TTC29: variants seen among roughly 807,000 people sequenced by gnomAD.
The protein encoded by TTC29 is tetratricopeptide repeat domain 29.
A neutral mutation model predicts 58.1 loss-of-function variants in TTC29; 49 were observed. The observed-to-expected ratio is 0.84, with a 90% CI of 0.67 to 1.07. The LOEUF (loss-of-function observed/expected upper bound fraction) is 1.07, where lower values mean the gene tolerates loss of function less well. Among genes scored for constraint, TTC29 ranks in the 50% least tolerant of loss-of-function variants. The probability of loss-of-function intolerance (pLI) is 0.00; values close to 1 mark genes in which losing one functional copy is unlikely to be tolerated. For synonymous variants in TTC29, 209 were observed against 196.8 expected (o/e 1.06, Z -0.52); for missense variants, 582 against 555.6 (o/e 1.05, Z -0.48).
At chr4:146,803,054 T>C (rs1328362847) in intron 11 of TTC29, among the ~76,000 whole-genome samples, 1 of 152,188 alleles carries the variant, frequency 6.6e-6, no homozygotes, top group African/African-American at 2.4e-5. Flanking sequence ...AAAATACTTA[T>C]CAGTAAAGTA....
Position 146,729,588 on chromosome 4 carries a change from T to C in TTC29, c.1331-22037A>G, listed in dbSNP as rs149070741. ...GGGTTCAAAAAGGTTTGCTTTGTTA[T>C]AAAGATGGTGTATTAGTCTGTTTTC... On this transcript the variant is annotated intron_variant, in intron 11 of 12. Transcript: ENST00000325106. Among the ~76,000 whole-genome samples, 24 of 152,266 alleles carry C rather than the reference T, an allele frequency of 1.6e-4. No homozygotes were observed. In the East Asian group the frequency reaches 4.4e-3, roughly 28 times the overall value.
chr4:146,863,975 CAGAAACACCCTCAG>C lies in TTC29; in HGVS notation c.885+3509_885+3522del, dbSNP rs569950986. Among the ~76,000 whole-genome samples, 168 of 152,252 alleles carry C rather than the reference CAGAAACACCCTCAG, an allele frequency of 1.1e-3. 1 individual carries two copies. Among genetic ancestry groups the C allele is most frequent in the Non-Finnish European group, 1.1e-3 (73 of 68,028 alleles). On this transcript the variant is annotated intron_variant, in intron 8 of 12. Coordinates refer to ENST00000325106, the MANE Select transcript of TTC29 (RefSeq NM_031956.4). ...CACCGATTCAAATGCTAATCTTCTC[CAGAAACACCCTCAG>C]AGACACACCCAGAAATGTTTCGCCA...
At chr4:146,708,372 G>GTA (rs1177623830) in intron 11 of TTC29, among the ~76,000 whole-genome samples, 1 of 124,410 alleles carries the variant, frequency 8.0e-6, no homozygotes, top group Non-Finnish European at 1.6e-5. Flanking sequence ...GTATGTGTGT[G>GTA]TATATATATA....
rs111385837 is a variant in TTC29 at position 146,723,245 on chromosome 4, C to CA, written c.1331-15695dup. 4.5e-3 allele frequency among the ~76,000 whole-genome samples: 615 copies of CA among 135,252 alleles called. 11 individuals carry two copies. In the South Asian group the frequency reaches 0.065, roughly 14 times the overall value. 88.7% of individuals were successfully genotyped at this position (135,252 alleles called of 152,430 possible). A position where few individuals can be genotyped will look rare whatever the true frequency, so the allele number is the denominator to read the frequency against. On this transcript the variant is annotated intron_variant, in intron 11 of 12. Transcript: ENST00000325106. ...TTGGGCAACAAGAGCAAAACTCCGT[C>CA]AAAAAAAAAAAAATTAAATGTAAGA...
chr4:146,874,612 T>C (rs557282399), intron 7 of TTC29, 104 bp downstream of exon 7: 2 of 908,470 alleles, frequency 2.2e-6, no homozygotes, highest in South Asian at 1.7e-5. Flanking sequence ...TTGCATTTCA[T>C]AGGAAATAAT....
intron 4 of TTC29, among the ~76,000 whole-genome samples, chr4:146,925,360 G>GT (rs983704600): frequency 6.6e-6 from 1 of 151,878 alleles, no homozygotes. Context: ...TTGGTTTAAT[G>GT]TTTTTTTGAA....
At chr4:146,742,357 A>G (rs1465249227) in intron 11 of TTC29, among the ~76,000 whole-genome samples, 1 of 152,154 alleles carries the variant, frequency 6.6e-6, no homozygotes, top group Non-Finnish European at 1.5e-5. Flanking sequence ...ACTGTATTGC[A>G]GGGGGCTAAC....
chr4:146,787,747 T>C (rs1749133176), intron 11 of TTC29, among the ~76,000 whole-genome samples: 1 of 152,198 alleles, frequency 6.6e-6, no homozygotes, highest in Admixed American at 6.5e-5. Flanking sequence ...TAATGTCATG[T>C]GTAGCAGGAG....
intron 4 of TTC29, among the ~76,000 whole-genome samples, chr4:146,918,889 A>G (rs1734406185): frequency 6.6e-6 from 1 of 151,040 alleles, no homozygotes; most frequent in South Asian, 2.1e-4. Context: ...CCTCAAACAT[A>G]CACATTTTTA....
chr4:146,917,617 A>ACATTATATATTATTTATATATC (rs1250048875), intron 4 of TTC29, among the ~76,000 whole-genome samples: 1 of 143,148 alleles, frequency 7.0e-6, no homozygotes, highest in Admixed American at 7.1e-5. Context: ...TTTATAATAT[A>ACATTATATATTATTTATATATC]TAATTAGATA....
chr4:146,943,574 T>C (rs60507236), intron 2 of TTC29, among the ~76,000 whole-genome samples: 1 of 152,126 alleles, frequency 6.6e-6, no homozygotes, highest in Admixed American at 6.5e-5. Context: ...ATCGGGAAAG[T>C]GAATTTTGTT....
intron 10 of TTC29, among the ~76,000 whole-genome samples, chr4:146,814,533 A>G (rs1751256479): frequency 6.6e-6 from 1 of 151,946 alleles, no homozygotes; most frequent in Non-Finnish European, 1.5e-5. Context: ...CAAGACCATC[A>G]TGGCCAACAT....
chr4:146,796,567 A>C (rs1368792606), intron 11 of TTC29, among the ~76,000 whole-genome samples: 1 of 152,188 alleles, frequency 6.6e-6, no homozygotes, highest in East Asian at 1.9e-4. Flanking sequence ...TACTGAAAAA[A>C]AATTTTAGAT....
chr4:146,859,681 A>G (rs1246497199), intron 8 of TTC29, among the ~76,000 whole-genome samples: 1 of 152,132 alleles, frequency 6.6e-6, no homozygotes, highest in Non-Finnish European at 1.5e-5. Flanking sequence ...GGCAGGAGAG[A>G]GAAGAGAGAG....
At chr4:146,845,605 T>C (rs1385553495) in intron 8 of TTC29, among the ~76,000 whole-genome samples, 1 of 152,174 alleles carries the variant, frequency 6.6e-6, no homozygotes, top group Non-Finnish European at 1.5e-5. Context: ...CAAACAGGTA[T>C]TGTCACTTGC....
chr4:146,931,974 C>T (rs1735366943), intron 4 of TTC29, among the ~76,000 whole-genome samples: 1 of 151,902 alleles, frequency 6.6e-6, no homozygotes, highest in South Asian at 2.1e-4. Context: ...AGTCTTTTCC[C>T]CCTTCTTCTT....
At chr4:146,710,307 A>G (rs1034211665) in intron 11 of TTC29, among the ~76,000 whole-genome samples, 2 of 152,154 alleles carry the variant, frequency 1.3e-5, no homozygotes, top group African/African-American at 4.8e-5. Context: ...CATCTGTAAC[A>G]CTATAATGAA....
chr4:146,869,137 T>C (rs1320887872), intron 7 of TTC29, among the ~76,000 whole-genome samples: 1 of 150,050 alleles, frequency 6.7e-6, no homozygotes, highest in East Asian at 2.0e-4. Flanking sequence ...TCTTTATAAA[T>C]TACCCACCCT....
intron 1 of TTC29, chr4:146,945,421 T>G (rs1736841743): frequency 6.6e-6 from 1 of 152,234 alleles, no homozygotes; most frequent in South Asian, 2.1e-4. Context: ...CCCTTTCTGT[T>G]CCCACCTAGT....
Sources: allele counts gnomAD v4.1 joint callset (sites outside exome capture counted in the v4.1 genomes callset), GRCh38; gene constraint gnomAD v4.1.1; transcripts MANE v1.5; gene names NCBI Gene and HGNC (gene_info 2026-07-23, HGNC 2026-07-21).